ATP8B4: variants seen among roughly 807,000 people sequenced by gnomAD.
ATP8B4 encodes the protein ATPase phospholipid transporting 8B4 (putative), also known as probable phospholipid-transporting ATPase IM.
Under a neutral mutation model 145.6 loss-of-function variants are expected in ATP8B4, and 133 were observed. That is an observed-to-expected ratio of 0.91 (90% CI 0.79 to 1.05). The LOEUF is 1.05. ATP8B4 is among the 50% of genes least tolerant of loss of function. ATP8B4 has a pLI of 0.00. For missense variants in ATP8B4, 1,458 were observed against 1,425.2 expected (o/e 1.02, Z -0.37); for synonymous variants, 507 against 492.9 (o/e 1.03, Z -0.38).
rs1215696747 is a variant in ATP8B4, at chr15:50,073,007, TATATATATATATACACACACACAC to T, written c.87+1096_87+1119del. On this transcript the variant is annotated intron_variant, in intron 3 of 27. Coordinates refer to ENST00000284509, the MANE Select transcript of ATP8B4 (RefSeq NM_024837.4). ...ATATATATATATATATATATATATA[TATATATATATATACACACACACAC>T]ACACACACACACACACACACACTAT... 5.8e-3 allele frequency among the ~76,000 whole-genome samples: 321 copies of T among 55,446 alleles called. 10 individuals are homozygous for T. Among genetic ancestry groups the T allele is most frequent in the African/African-American group, 0.028 (292 of 10,332 alleles). 36.4% of individuals were successfully genotyped at this position (55,446 alleles called of 152,430 possible).
chr15:49,875,087 CACACATCTATCCATGT>C (rs2034196079), intron 25 of ATP8B4, among the ~76,000 whole-genome samples: 1 of 152,160 alleles, frequency 6.6e-6, no homozygotes, highest in African/African-American at 2.4e-5. Context: ...GTTTCACACA[CACACATCTATCCATGT>C]ACACATGCAC....
intron 9 of ATP8B4, among the ~76,000 whole-genome samples, chr15:49,990,204 C>T (rs1213843797): frequency 6.6e-6 from 1 of 152,098 alleles, no homozygotes; most frequent in African/African-American, 2.4e-5. Context: ...AGAGCCTAGC[C>T]ATGAAGCATA....
At position 50,142,004 on chromosome 15, in the gene ATP8B4, G is replaced by A. The variant is rs142180887; in HGVS notation, c.-42-34996C>T. 2.4e-4 allele frequency among the ~76,000 whole-genome samples: 36 copies of A among 152,278 alleles called. 1 individual carries two copies. The highest frequency in any genetic ancestry group is 4.1e-4 in the South Asian group (2 of 4,828). On this transcript the variant is annotated intron_variant, in intron 1 of 3. Transcript: ENST00000558829. ...CATGTCTGAGGGGCTCTTGAAAGAC[G>A]AATACGAGTTTTTCCTAAAATGTAA...
intron 13 of ATP8B4, among the ~76,000 whole-genome samples, chr15:49,970,942 A>C (rs569285693): frequency 3.4e-4 from 52 of 152,282 alleles, no homozygotes; most frequent in African/African-American, 1.2e-3. Flanking sequence ...AACTGAACAG[A>C]ACAGAGGCCT....
At chr15:49,873,427 G>A (rs181261694) in intron 25 of ATP8B4, among the ~76,000 whole-genome samples, 36 of 152,122 alleles carry the variant, frequency 2.4e-4, no homozygotes, top group African/African-American at 6.0e-4. Context: ...ATATTCATAC[G>A]GTGGAATACT....
At chr15:50,026,547 G>C (rs1311637911) in intron 6 of ATP8B4, among the ~76,000 whole-genome samples, 3 of 152,204 alleles carry the variant, frequency 2.0e-5, no homozygotes, top group African/African-American at 7.2e-5. Flanking sequence ...GGGCAGCCGA[G>C]AGCACCTGCT....
intron 1 of ATP8B4, among the ~76,000 whole-genome samples, chr15:50,126,898 A>G (rs1448787078): frequency 2.0e-5 from 3 of 151,978 alleles, no homozygotes; most frequent in Non-Finnish European, 2.9e-5. Context: ...AACACCATCC[A>G]CTGGCACAAC....
At chr15:50,019,016 T>G in intron 6 of ATP8B4, 10 of 975,830 alleles carry the variant, frequency 1.0e-5, no homozygotes, top group Non-Finnish European at 1.4e-5. Context: ...TCAATGTAAA[T>G]CCATGAATGA....
chr15:50,010,955 A>T, intron 6 of ATP8B4, 38 bp from the exon 7 acceptor site: 1 of 1,364,486 alleles, frequency 7.3e-7, no homozygotes, highest in Non-Finnish European at 1.0e-6. Flanking sequence ...TTCAAGAATG[A>T]AGAATTGAAA....
chr15:50,041,811 G>A (rs538297523), intron 5 of ATP8B4, among the ~76,000 whole-genome samples: 62 of 152,186 alleles, frequency 4.1e-4, no homozygotes, highest in African/African-American at 1.4e-3. Flanking sequence ...GTAGTGGTGC[G>A]TGCCTATAGT....
intron 20 of ATP8B4, among the ~76,000 whole-genome samples, chr15:49,905,977 T>C (rs565244038): frequency 8.7e-4 from 130 of 149,818 alleles, no homozygotes; most frequent in African/African-American, 3.2e-3. Flanking sequence ...CACACACACA[T>C]GCACACACAC....
At chr15:50,165,970 A>AAC (rs149302745) in intron 1 of ATP8B4, among the ~76,000 whole-genome samples, 3,564 of 147,014 alleles carry the variant, frequency 0.024, 76 homozygotes, top group African/African-American at 0.05. Context: ...AATCCCAGAG[A>AAC]ACACACACAC....
chr15:49,968,752 C>T (rs1039277880), intron 13 of ATP8B4, among the ~76,000 whole-genome samples: 4 of 152,290 alleles, frequency 2.6e-5, no homozygotes, highest in South Asian at 2.1e-4. Context: ...AGCACTTGAA[C>T]TCAACTCTGG....
intron 1 of ATP8B4, among the ~76,000 whole-genome samples, chr15:50,170,033 T>G (rs552660539): frequency 6.6e-6 from 1 of 152,150 alleles, no homozygotes; most frequent in East Asian, 1.9e-4. Flanking sequence ...TGGGATTATG[T>G]TAAATGACCA....
chr15:50,090,394 A>G (rs2055529933), intron 2 of ATP8B4, among the ~76,000 whole-genome samples: 1 of 152,180 alleles, frequency 6.6e-6, no homozygotes, highest in South Asian at 2.1e-4. Flanking sequence ...CTAATTCCCT[A>G]TGTGATGCAA....
At chr15:49,980,626 G>A (rs2046074184) in intron 11 of ATP8B4, among the ~76,000 whole-genome samples, 1 of 152,218 alleles carries the variant, frequency 6.6e-6, no homozygotes. Context: ...GATGTTAGAA[G>A]CCTCTGTGAG....
At chr15:49,968,533 T>C (rs1265185122) in intron 13 of ATP8B4, among the ~76,000 whole-genome samples, 1 of 152,176 alleles carries the variant, frequency 6.6e-6, no homozygotes, top group African/African-American at 2.4e-5. Context: ...AAGAAGGGCA[T>C]TACATAATGG....
chr15:49,889,054 T>C (rs2036516909), intron 23 of ATP8B4, among the ~76,000 whole-genome samples: 2 of 152,082 alleles, frequency 1.3e-5, no homozygotes, highest in South Asian at 4.1e-4. Flanking sequence ...ATTTCTCCTT[T>C]AGATTCCAAA....
At chr15:49,865,560 G>T (rs1249428454) in intron 26 of ATP8B4, among the ~76,000 whole-genome samples, 2 of 152,180 alleles carry the variant, frequency 1.3e-5, no homozygotes, top group Non-Finnish European at 2.9e-5. Context: ...CCCTCAACTT[G>T]TAGGATCTGA....
Sources: allele counts gnomAD v4.1 joint callset (sites outside exome capture counted in the v4.1 genomes callset), GRCh38; gene constraint gnomAD v4.1.1; transcripts MANE v1.5; gene names NCBI Gene and HGNC (gene_info 2026-07-23, HGNC 2026-07-21).